KLHL29: variants seen among roughly 807,000 people sequenced by gnomAD.
KLHL29 encodes the protein kelch like family member 29.
A neutral mutation model predicts 80.4 loss-of-function variants in KLHL29; 21 were observed. The observed-to-expected ratio is 0.26, with a 90% confidence interval of 0.19 to 0.38. The LOEUF (loss-of-function observed/expected upper bound fraction) is 0.38. Among genes scored for constraint, KLHL29 ranks in the 10% least tolerant of loss-of-function variants. KLHL29 has a pLI of 1.00. For missense variants in KLHL29, 867 were observed against 1,223.9 expected, an observed-to-expected ratio of 0.71 and a Z score of 4.35; for synonymous variants, 511 against 526.8, an observed-to-expected ratio of 0.97 and a Z score of 0.41.
At chr2:23,464,494 A>G (rs952913502) in intron 1 of KLHL29, among the ~76,000 whole-genome samples, 5 of 152,122 alleles carry the variant, frequency 3.3e-5, no homozygotes, top group African/African-American at 1.2e-4. Context: ...TTGCCTGCTC[A>G]TTTGGAGCAA....
intron 3 of KLHL29, among the ~76,000 whole-genome samples, chr2:23,630,482 T>C (rs1669441494): frequency 6.6e-6 from 1 of 152,042 alleles, no homozygotes; most frequent in South Asian, 2.1e-4. Context: ...CCTGAGTTTT[T>C]TTTGTTTTGT....
At chr2:23,569,923 G>C (rs1667677311) in intron 3 of KLHL29, among the ~76,000 whole-genome samples, 1 of 152,170 alleles carries the variant, frequency 6.6e-6, no homozygotes, top group African/African-American at 2.4e-5. Context: ...AATGCCATGG[G>C]GAAGAGGCAT....
intron 1 of KLHL29, among the ~76,000 whole-genome samples, chr2:23,468,611 G>A (rs1664414591): frequency 6.6e-6 from 1 of 152,158 alleles, no homozygotes; most frequent in Non-Finnish European, 1.5e-5. Context: ...GACCCTAGGA[G>A]TGAGCTACTA....
chr2:23,532,977 C>T (rs889507931), intron 2 of KLHL29, among the ~76,000 whole-genome samples: 1 of 152,114 alleles, frequency 6.6e-6, no homozygotes, highest in African/African-American at 2.4e-5. Flanking sequence ...GGAGGGTTCC[C>T]TCTACGTCTC....
intron 2 of KLHL29, among the ~76,000 whole-genome samples, chr2:23,489,282 C>A (rs1368509835): frequency 3.3e-5 from 5 of 152,094 alleles, no homozygotes; most frequent in African/African-American, 4.8e-5. Context: ...CCTGGTTGGT[C>A]CTTCTACAGA....
chr2:23,510,342 C>G (rs548951905), intron 2 of KLHL29, among the ~76,000 whole-genome samples: 208 of 152,294 alleles, frequency 1.4e-3, no homozygotes, highest in African/African-American at 4.7e-3. Flanking sequence ...CATTTAGTAT[C>G]CAGTTTCTAG....
At chr2:23,490,030 G>A (rs1254092831) in intron 2 of KLHL29, among the ~76,000 whole-genome samples, 1 of 152,252 alleles carries the variant, frequency 6.6e-6, no homozygotes, top group Non-Finnish European at 1.5e-5. Context: ...CTCAGCTGAT[G>A]TTGAATGGAA....
intron 3 of KLHL29, among the ~76,000 whole-genome samples, chr2:23,567,746 T>C (rs1322516905): frequency 2.0e-5 from 3 of 152,226 alleles, no homozygotes; most frequent in Non-Finnish European, 2.9e-5. Context: ...TGTATTCACA[T>C]TGAAAATCGA....
intron 7 of KLHL29, among the ~76,000 whole-genome samples, chr2:23,692,126 C>A (rs1417692704): frequency 6.6e-6 from 1 of 152,204 alleles, no homozygotes; most frequent in Non-Finnish European, 1.5e-5. Flanking sequence ...ATACTGTGCC[C>A]CGCCAGGCCT....
intron 2 of KLHL29, among the ~76,000 whole-genome samples, chr2:23,500,972 G>A (rs1212657410): frequency 1.3e-5 from 2 of 152,126 alleles, no homozygotes; most frequent in East Asian, 1.9e-4. Context: ...TGTCTGCGGC[G>A]GAGCATCTCC....
intron 5 of KLHL29, among the ~76,000 whole-genome samples, chr2:23,658,666 C>A (rs1027126643): frequency 3.3e-5 from 5 of 152,204 alleles, no homozygotes; most frequent in African/African-American, 1.2e-4. Context: ...TGCCAAGAGG[C>A]CTTCCGGTTG....
chr2:23,604,945 G>C (rs1343528137), intron 3 of KLHL29, among the ~76,000 whole-genome samples: 6 of 152,156 alleles, frequency 3.9e-5, no homozygotes, highest in Admixed American at 3.9e-4. Flanking sequence ...AGGCCCCTCT[G>C]ATGGGGAAAT....
intron 1 of KLHL29, among the ~76,000 whole-genome samples, chr2:23,421,028 A>G (rs1237270860): frequency 6.6e-6 from 1 of 152,178 alleles, no homozygotes; most frequent in Non-Finnish European, 1.5e-5. Context: ...TAGTCCTCAC[A>G]GCAACCTTCT....
At chr2:23,394,373 A>AAG (rs1221891189) in intron 1 of KLHL29, among the ~76,000 whole-genome samples, 1 of 152,210 alleles carries the variant, frequency 6.6e-6, no homozygotes, top group Non-Finnish European at 1.5e-5. Flanking sequence ...GCACAGTGGG[A>AAG]AGAGCACTGC....
intron 3 of KLHL29, among the ~76,000 whole-genome samples, chr2:23,618,608 A>T: frequency 6.6e-6 from 1 of 152,140 alleles, no homozygotes; most frequent in African/African-American, 2.4e-5. Context: ...GAACTATACC[A>T]GTTCCCGCTC....
At position 23,455,571 on chromosome 2, in the gene KLHL29, T is replaced by A. The variant is rs566679795; in HGVS notation, c.-153-19989T>A. Reference sequence around the variant, plus strand: ...GGCAGACAAGTTTGCCATTGAGTGATGAAGAGAAGCGTCAGCTGAGGGATG... The same window carrying A: ...GGCAGACAAGTTTGCCATTGAGTGAAGAAGAGAAGCGTCAGCTGAGGGATG... On this transcript the variant is annotated intron_variant, in intron 1 of 13. Coordinates refer to ENST00000486442, the MANE Select transcript of KLHL29 (RefSeq NM_052920.2). Among the ~76,000 whole-genome samples the A allele has an allele frequency of 2.4e-3, 359 of 151,880 alleles. 2 individuals are homozygous for A. The highest frequency in any genetic ancestry group is 3.6e-3 in the Non-Finnish European group (244 of 67,972).
At chr2:23,428,131 A>G (rs573165007) in intron 1 of KLHL29, among the ~76,000 whole-genome samples, 165 of 152,350 alleles carry the variant, frequency 1.1e-3, no homozygotes, top group Non-Finnish European at 1.9e-3. Context: ...CACCTGCCGC[A>G]TGGCCTCATC....
At chr2:23,419,498 G>T (rs1163297707) in intron 1 of KLHL29, among the ~76,000 whole-genome samples, 1 of 152,186 alleles carries the variant, frequency 6.6e-6, no homozygotes, top group Non-Finnish European at 1.5e-5. Context: ...TTTCCTCCTT[G>T]TCCCTGTCTC....
At chr2:23,525,798 C>T (rs567556377) in intron 2 of KLHL29, among the ~76,000 whole-genome samples, 3 of 146,420 alleles carry the variant, frequency 2.0e-5, no homozygotes, top group East Asian at 2.1e-4. Context: ...CTATCAGGTG[C>T]GCAGGACGCC....
Sources: allele counts gnomAD v4.1 joint callset (sites outside exome capture counted in the v4.1 genomes callset), GRCh38; gene constraint gnomAD v4.1.1; transcripts MANE v1.5; gene names NCBI Gene and HGNC (gene_info 2026-07-23, HGNC 2026-07-21).